Variants in SMC4 observed in about 807,000 individuals in gnomAD.
The protein encoded by SMC4 is structural maintenance of chromosomes protein 4.
A neutral mutation model predicts 145.6 loss-of-function variants in SMC4; 87 were observed. The ratio of observed to expected loss-of-function variants is 0.60; its 90% CI spans 0.50 to 0.71. The LOEUF (loss-of-function observed/expected upper bound fraction) is 0.71, where lower values mean the gene tolerates loss of function less well. SMC4 is among the 30% of genes least tolerant of loss of function. The probability of loss-of-function intolerance (pLI) is 0.00; values close to 1 mark genes in which losing one functional copy is unlikely to be tolerated. For synonymous variants in SMC4, 558 were observed against 500.7 expected (o/e 1.11, Z -1.53); for missense variants, 1,447 against 1,537.1 (o/e 0.94, Z 0.98).
chr3:160,410,048 CT>C (rs1715811879), intron 5 of SMC4, among the ~76,000 whole-genome samples: 1 of 152,128 alleles, frequency 6.6e-6, no homozygotes, highest in African/African-American at 2.4e-5. Flanking sequence ...TGTACTCCAG[CT>C]TAGGTGACAG....
chr3:160,408,196 T>G (rs887398424), intron 5 of SMC4, among the ~76,000 whole-genome samples: 1 of 152,244 alleles, frequency 6.6e-6, no homozygotes, highest in Admixed American at 6.5e-5. Flanking sequence ...GAGGCCTTAC[T>G]AGGACAACAA....
intron 5 of SMC4, among the ~76,000 whole-genome samples, chr3:160,405,406 A>C (rs1007792119): frequency 6.6e-6 from 1 of 152,024 alleles, no homozygotes; most frequent in Non-Finnish European, 1.5e-5. Context: ...TCTATCCAGA[A>C]TCACCGAAGC....
intron 12 of SMC4, 113 bp downstream of exon 12, chr3:160,419,656 C>G: frequency 1.0e-6 from 1 of 1,000,594 alleles, no homozygotes; most frequent in South Asian, 1.9e-5. Context: ...AAATAAGATT[C>G]ATTTTGTTTG....
chr3:160,433,130 C>CCACT lies in SMC4; in HGVS notation c.3637_3640dup (p.Pro1214HisfsTer8). The CCACT allele has an allele frequency of 6.2e-7, 1 of 1,613,534 alleles. No homozygotes were observed. The highest frequency in any genetic ancestry group is 8.5e-7 in the Non-Finnish European group (1 of 1,179,580). On this transcript the variant is annotated frameshift_variant, in exon 23 of 24. Transcript: ENST00000357388. LOFTEE classifies it high-confidence loss of function. Reference sequence around the variant, plus strand: ...GTATTTGCTCTTCACCACTACAAGCCCACTCCCCTTTACTTCATGGATGAG... The same window carrying CCACT: ...GTATTTGCTCTTCACCACTACAAGCCCACTCACTCCCCTTTACTTCATGGATGAG...
chr3:160,413,606 A>T lies in SMC4; in HGVS notation c.1114A>T (p.Thr372Ser). ...AGCTAAGAATAAAGATGTAAAAGAT[A>T]CAGAAAAGTAATAATATTTTGGGAA... ...MKAKNKDVKD[T>S]EKKLNKITKF... Residue 372 changes from threonine (T) to serine (S), a missense_variant, in exon 8 of 24, where the codon ACA becomes TCA. Coordinates refer to ENST00000357388, the MANE Select transcript of SMC4 (RefSeq NM_001002800.3). 1 of 1,371,234 alleles carries T rather than the reference A, an allele frequency of 7.3e-7. No individual in the cohort carries two copies. Among genetic ancestry groups the T allele is most frequent in the Non-Finnish European group, 1.0e-6 (1 of 992,240 alleles). The allele number at this position is 1,371,234 out of a possible 1,614,324, so 84.9% of individuals were successfully genotyped here.
chr3:160,406,068 T>C (rs1400529752), intron 5 of SMC4, among the ~76,000 whole-genome samples: 2 of 152,118 alleles, frequency 1.3e-5, no homozygotes, highest in Admixed American at 1.3e-4. Flanking sequence ...AGGAAGCTAA[T>C]GTAATATTGT....
intron 15 of SMC4, among the ~76,000 whole-genome samples, chr3:160,424,446 C>G (rs59799252): frequency 6.6e-6 from 1 of 152,110 alleles, no homozygotes; most frequent in Non-Finnish European, 1.5e-5. Flanking sequence ...CAAGAAATTA[C>G]TTGACCATCT....
In SMC4 at chr3:160,434,905, T is replaced by TA. The variant is rs879865375; in HGVS notation, c.*1099dup. On this transcript the variant is annotated 3_prime_UTR_variant, in exon 24 of 24. Coordinates refer to ENST00000357388, the MANE Select transcript of SMC4 (RefSeq NM_001002800.3). ...CTATCATAATGTAACTGTAAAAATGTAAACACATTATTAGCATGGACTTTT... is the reference window on the plus strand; with the variant it reads ...CTATCATAATGTAACTGTAAAAATGTAAAACACATTATTAGCATGGACTTTT... The TA allele has an allele frequency of 4.6e-5, 7 of 152,166 alleles. No homozygotes were observed. Among genetic ancestry groups the TA allele is most frequent in the Admixed American group, 2.6e-4 (4 of 15,286 alleles). The allele number at this position is 152,166 out of a possible 1,614,324, so 9.4% of individuals were successfully genotyped here.
intron 5 of SMC4, among the ~76,000 whole-genome samples, chr3:160,407,251 A>G (rs557540322): frequency 2.0e-5 from 3 of 152,334 alleles, no homozygotes; most frequent in East Asian, 1.9e-4. Flanking sequence ...TACAAAATCT[A>G]AAGTTTGAAA....
At chr3:160,417,374 A>G (rs1015161570) in intron 10 of SMC4, among the ~76,000 whole-genome samples, 2 of 152,206 alleles carry the variant, frequency 1.3e-5, no homozygotes, top group Non-Finnish European at 2.9e-5. Context: ...ATGATGGGAT[A>G]CTTCATAGTT....
In SMC4 at chr3:160,428,843, TCAAGGCCCAA is replaced by T. The variant is rs1367086919; in HGVS notation, c.2701_2710del (p.Ala901ThrfsTer6). The T allele has an allele frequency of 6.2e-7, 1 of 1,607,046 alleles. No individual in the cohort carries two copies. Among genetic ancestry groups the T allele is most frequent in the Admixed American group, 1.7e-5 (1 of 57,592 alleles). ...ATCGTAGAAATCAATAATCATAAAC[TCAAGGCCCAA>T]CAAGACAAACTTGATAAAATAAATA... On this transcript the variant is annotated frameshift_variant, in exon 18 of 24. Transcript: ENST00000357388. LOFTEE classifies it high-confidence loss of function.
chr3:160,420,732 A>G lies in SMC4; in HGVS notation c.1858-8A>G, dbSNP rs1171027214. 1.5e-5 allele frequency: 24 copies of G among 1,611,124 alleles called. No homozygotes were observed. Among genetic ancestry groups the G allele is most frequent in the Non-Finnish European group, 2.0e-5 (23 of 1,179,254 alleles). ...TAACTCTTTTTTCACCCCACTCTTC[A>G]TTATTAGGGGGACTTAGGAGCCATT... On this transcript the variant is annotated splice_polypyrimidine_tract_variant and splice_region_variant and intron_variant, in intron 12 of 23. Coordinates refer to ENST00000357388, the MANE Select transcript of SMC4 (RefSeq NM_001002800.3).
chr3:160,406,684 T>G (rs1490900764), intron 5 of SMC4, among the ~76,000 whole-genome samples: 1 of 152,150 alleles, frequency 6.6e-6, no homozygotes, highest in Non-Finnish European at 1.5e-5. Flanking sequence ...TTTTTGAGAT[T>G]AAAAAGAACC....
chr3:160,413,057 A>G (rs1372509394), intron 7 of SMC4, among the ~76,000 whole-genome samples: 1 of 152,076 alleles, frequency 6.6e-6, no homozygotes, highest in East Asian at 1.9e-4. Context: ...CCTCCACTTC[A>G]TGAGTAGCTG....
intron 5 of SMC4, 118 bp from the exon 6 acceptor site, chr3:160,411,800 CTG>C: frequency 1.4e-6 from 1 of 695,736 alleles, no homozygotes. Flanking sequence ...GCACTACTAA[CTG>C]TACATTATTT....
intron 5 of SMC4, among the ~76,000 whole-genome samples, chr3:160,408,527 T>C (rs2108458162): frequency 6.6e-6 from 1 of 152,330 alleles, no homozygotes; most frequent in African/African-American, 2.4e-5. Context: ...GATAATAGTG[T>C]TGTAGCGACT....
Position 160,434,459 on chromosome 3 carries a change from CTGAT to C in SMC4, c.*652_*655del, listed in dbSNP as rs1674558675. 1 of 152,148 alleles carries C rather than the reference CTGAT, an allele frequency of 6.6e-6. No homozygotes were observed. Among genetic ancestry groups the C allele is most frequent in the South Asian group, 2.1e-4 (1 of 4,830 alleles). 9.4% of individuals were successfully genotyped at this position (152,148 alleles called of 1,614,324 possible). On this transcript the variant is annotated 3_prime_UTR_variant, in exon 24 of 24. Transcript: ENST00000357388. Reference sequence around the variant, plus strand: ...TCATGAGTATGAAGTAAGATGGCCTCTGATTTACACTGGTTCAATTTACAAATTT... The same window carrying C: ...TCATGAGTATGAAGTAAGATGGCCTCTTACACTGGTTCAATTTACAAATTT...
At chr3:160,410,970 T>C (rs1576951714) in intron 5 of SMC4, among the ~76,000 whole-genome samples, 1 of 152,212 alleles carries the variant, frequency 6.6e-6, no homozygotes, top group Non-Finnish European at 1.5e-5. Context: ...TATTCTTCCA[T>C]TGTAATAGTC....
intron 4 of SMC4, 80 bp downstream of exon 4, chr3:160,402,947 T>A: frequency 9.2e-7 from 1 of 1,090,042 alleles, no homozygotes; most frequent in Non-Finnish European, 1.3e-6. Context: ...TTTTTGGCTT[T>A]AAGAAATTTG....
Sources: allele counts gnomAD v4.1 joint callset (sites outside exome capture counted in the v4.1 genomes callset), GRCh38; gene constraint gnomAD v4.1.1; transcripts MANE v1.5; gene names NCBI Gene and HGNC (gene_info 2026-07-23, HGNC 2026-07-21).